Variants in ZDHHC6 observed in about 807,000 individuals in gnomAD.
ZDHHC6 encodes the protein palmitoyltransferase ZDHHC6.
A neutral mutation model predicts 57.8 loss-of-function variants in ZDHHC6; 32 were observed. The ratio of observed to expected loss-of-function variants is 0.55; its 90% CI spans 0.42 to 0.74. The LOEUF (loss-of-function observed/expected upper bound fraction) is 0.74. Among genes scored for constraint, ZDHHC6 ranks in the 30% least tolerant of loss-of-function variants. The pLI, the probability that ZDHHC6 is intolerant of heterozygous loss-of-function variation, is 0.00. For synonymous variants in ZDHHC6, 128 were observed against 158.0 expected, an observed-to-expected ratio of 0.81 and a Z score of 1.42; for missense variants, 433 against 500.7, an observed-to-expected ratio of 0.86 and a Z score of 1.29.
upstream of ZDHHC6, chr10:112,447,262 T>C (rs1846869404): frequency 1.3e-5 from 15 of 1,163,796 alleles, no homozygotes; most frequent in Non-Finnish European, 1.8e-5. Flanking sequence ...GGTTCTCCGT[T>C]CTGCTCTCGG....
At chr10:112,443,416 T>C in intron 3 of ZDHHC6, 99 bp downstream of exon 3, 1 of 980,078 alleles carries the variant, frequency 1.0e-6, no homozygotes, top group South Asian at 1.6e-5. Flanking sequence ...TATGGTAACC[T>C]TGCAGTGAAT....
intron 6 of ZDHHC6, among the ~76,000 whole-genome samples, chr10:112,436,010 A>G (rs1053628037): frequency 1.3e-5 from 2 of 152,228 alleles, no homozygotes; most frequent in Middle Eastern, 6.3e-3. Context: ...CAATACCTTA[A>G]CTAAGTCTTG....
chr10:112,438,302 T>G (rs1252211732), intron 6 of ZDHHC6, 34 bp downstream of exon 6: 1 of 1,258,458 alleles, frequency 7.9e-7, no homozygotes, highest in East Asian at 3.0e-5. Context: ...TAATATACTT[T>G]TTTAATATTG....
chr10:112,432,742 A>G (rs1306564966), intron 8 of ZDHHC6, among the ~76,000 whole-genome samples: 1 of 152,166 alleles, frequency 6.6e-6, no homozygotes, highest in Non-Finnish European at 1.5e-5. Flanking sequence ...TCAAGCCCAT[A>G]GCTAAGAATT....
At chr10:112,425,509 T>C, downstream of ZDHHC6, 2 of 1,559,350 alleles carry the variant, frequency 1.3e-6, no homozygotes, top group Non-Finnish European at 1.7e-6. Context: ...CAATAGCCCA[T>C]TTCAGTCACA....
intron 8 of ZDHHC6, among the ~76,000 whole-genome samples, chr10:112,432,862 T>C (rs1489003991): frequency 6.6e-6 from 1 of 152,206 alleles, no homozygotes; most frequent in African/African-American, 2.4e-5. Flanking sequence ...GCACTTACAA[T>C]GTAGTGAATG....
At chr10:112,433,218 C>A (rs749051138) in intron 8 of ZDHHC6, 22 bp downstream of exon 8, 4 of 1,558,140 alleles carry the variant, frequency 2.6e-6, no homozygotes, top group Non-Finnish European at 2.6e-6. Context: ...AAAAAAATTA[C>A]CACTGCAAAA....
intron 7 of ZDHHC6, 28 bp from the exon 8 acceptor site, chr10:112,433,309 A>AG: frequency 1.9e-6 from 3 of 1,546,364 alleles, no homozygotes; most frequent in Non-Finnish European, 2.6e-6. Flanking sequence ...AAAGAAAAAA[A>AG]TGAAGTCTCT....
chr10:112,439,189 C>T (rs1265564951), intron 5 of ZDHHC6, among the ~76,000 whole-genome samples: 2 of 151,958 alleles, frequency 1.3e-5, no homozygotes, highest in African/African-American at 4.8e-5. Flanking sequence ...GGCTCTGTCA[C>T]AAACAAACAA....
intron 5 of ZDHHC6, 112 bp downstream of exon 5, chr10:112,440,422 C>T: frequency 8.2e-7 from 1 of 1,215,686 alleles, no homozygotes; most frequent in Non-Finnish European, 1.1e-6. Context: ...ATGAAATAAG[C>T]AAAAATAATT....
intron 5 of ZDHHC6, 132 bp from the exon 6 acceptor site, chr10:112,438,521 A>C: frequency 1.4e-6 from 1 of 707,472 alleles, no homozygotes; most frequent in Non-Finnish European, 2.1e-6. Flanking sequence ...ACAGAGGTTA[A>C]GTACCACAAT....
At chr10:112,429,763 C>T (rs981917809), downstream of ZDHHC6, among the ~76,000 whole-genome samples, 4 of 152,328 alleles carry the variant, frequency 2.6e-5, no homozygotes, top group African/African-American at 4.8e-5. Flanking sequence ...ACTACTGCCA[C>T]GGGATCCTTG....
chr10:112,427,325 A>T, downstream of ZDHHC6: 1 of 1,613,688 alleles, frequency 6.2e-7, no homozygotes, highest in Non-Finnish European at 8.5e-7. Context: ...TTCGGACCCA[A>T]ATTGACAGCC....
chr10:112,436,312 TA>T (rs1461931977), intron 6 of ZDHHC6, among the ~76,000 whole-genome samples: 1 of 152,156 alleles, frequency 6.6e-6, no homozygotes, highest in Non-Finnish European at 1.5e-5. Context: ...CTGTCTCTAC[TA>T]AAAATACAAA....
rs1297252723 is a variant in ZDHHC6 at position 112,433,417 on chromosome 10, G to T, written c.904-136C>A. The T allele has an allele frequency of 4.7e-6, 3 of 643,194 alleles. No individual in the cohort carries two copies. The African/African-American group carries it at 5.7e-5, about 12-fold the overall frequency. The allele number at this position is 643,194 out of a possible 1,614,324, so 39.8% of individuals were successfully genotyped here. On this transcript the variant is annotated intron_variant, in intron 7 of 10. Coordinates refer to ENST00000369405, the MANE Select transcript of ZDHHC6 (RefSeq NM_022494.3). ...ATTTCAAGTTGCTGATAATTTAAAG[G>T]CCACAGGTTGTTTTAGCATGGAAAA...
At chr10:112,436,163 T>C (rs928938834) in intron 6 of ZDHHC6, among the ~76,000 whole-genome samples, 4 of 152,064 alleles carry the variant, frequency 2.6e-5, no homozygotes, top group African/African-American at 9.7e-5. Flanking sequence ...GGGTAGGAAA[T>C]TAGGCTGGAG....
downstream of ZDHHC6, chr10:112,426,855 A>C: frequency 6.2e-7 from 1 of 1,611,760 alleles, no homozygotes; most frequent in Non-Finnish European, 8.5e-7. Flanking sequence ...AAAACTTTTG[A>C]ACAGGTGTGT....
At chr10:112,436,588 G>A (rs950685069) in intron 6 of ZDHHC6, among the ~76,000 whole-genome samples, 3 of 152,228 alleles carry the variant, frequency 2.0e-5, no homozygotes, top group Admixed American at 1.3e-4. Context: ...ATCACTTTGA[G>A]TATTCAGGAC....
downstream of ZDHHC6, among the ~76,000 whole-genome samples, chr10:112,430,023 C>A (rs1040823399): frequency 6.6e-6 from 1 of 152,118 alleles, no homozygotes; most frequent in Non-Finnish European, 1.5e-5. Flanking sequence ...CAAGGATGCC[C>A]GGGTCCGCAG....
Sources: allele counts gnomAD v4.1 joint callset (sites outside exome capture counted in the v4.1 genomes callset), GRCh38; gene constraint gnomAD v4.1.1; transcripts MANE v1.5; gene names NCBI Gene and HGNC (gene_info 2026-07-23, HGNC 2026-07-21).